ADGRL2: variants seen among roughly 807,000 people sequenced by gnomAD.
ADGRL2 encodes calcium-independent alpha-latrotoxin receptor 2.
ADGRL2 carries 44 observed loss-of-function variants against 157.4 expected under a neutral mutation model. The observed-to-expected ratio is 0.28, with a 90% CI of 0.22 to 0.36. ADGRL2 has a LOEUF of 0.36. Among genes scored for constraint, ADGRL2 ranks in the 10% least tolerant of loss-of-function variants. The probability of loss-of-function intolerance (pLI) is 1.00; values close to 1 mark genes in which losing one functional copy is unlikely to be tolerated. For missense variants in ADGRL2, 1,510 were observed against 1,768.9 expected (o/e 0.85, Z 2.63); for synonymous variants, 585 against 624.7 (o/e 0.94, Z 0.95).
At chr1:81,567,478 G>A (rs376106626) in intron 2 of ADGRL2, among the ~76,000 whole-genome samples, 12 of 152,076 alleles carry the variant, frequency 7.9e-5, no homozygotes, top group African/African-American at 2.6e-4. Flanking sequence ...TAGGGCACTC[G>A]GTACTTATCC....
chr1:81,538,705 G>A (rs931851466), intron 2 of ADGRL2, among the ~76,000 whole-genome samples: 1 of 151,912 alleles, frequency 6.6e-6, no homozygotes, highest in African/African-American at 2.4e-5. Flanking sequence ...GTAAAATTTG[G>A]AATAAGACTA....
rs1570302585 is a variant in ADGRL2, at chr1:81,502,631, A to G, written c.-248+57542A>G. The G allele has an allele frequency of 7.4e-6, 12 of 1,613,934 alleles. No homozygotes were observed. In the East Asian group the frequency reaches 2.2e-4, roughly 30 times the overall value. On this transcript the variant is annotated intron_variant, in intron 2 of 24. Transcript: ENST00000370721. Reference sequence around the variant, plus strand: ...CAAAGGCCTAAACCTGCCCACATCCATCACCAGCGCTGCCTTCACCCTCAG... The same window carrying G: ...CAAAGGCCTAAACCTGCCCACATCCGTCACCAGCGCTGCCTTCACCCTCAG...
At chr1:81,782,424 T>A (rs2086854271) in intron 2 of ADGRL2, among the ~76,000 whole-genome samples, 1 of 152,226 alleles carries the variant, frequency 6.6e-6, no homozygotes, top group African/African-American at 2.4e-5. Flanking sequence ...TTTTTTGGTC[T>A]ACAGTAAAAT....
chr1:81,506,721 A>G (rs1403690706), intron 2 of ADGRL2, among the ~76,000 whole-genome samples: 1 of 141,894 alleles, frequency 7.0e-6, no homozygotes, highest in Non-Finnish European at 1.6e-5. Context: ...AAAGAACAAA[A>G]CAAAACAAAA....
chr1:81,769,645 C>A (rs1446497010), intron 2 of ADGRL2, among the ~76,000 whole-genome samples: 1 of 151,760 alleles, frequency 6.6e-6, no homozygotes, highest in Non-Finnish European at 1.5e-5. Flanking sequence ...TCAGCAATAC[C>A]TTGGCTATCA....
At chr1:81,607,054 T>C (rs2081449102) in intron 3 of ADGRL2, among the ~76,000 whole-genome samples, 1 of 152,216 alleles carries the variant, frequency 6.6e-6, no homozygotes. Flanking sequence ...TAACTCTTTA[T>C]TTTATAATTT....
intron 2 of ADGRL2, among the ~76,000 whole-genome samples, chr1:81,851,032 A>T (rs145844117): frequency 6.6e-6 from 1 of 152,012 alleles, no homozygotes; most frequent in Non-Finnish European, 1.5e-5. Flanking sequence ...TTCACTAATG[A>T]TCACCCAAAA....
At chr1:81,703,140 TG>T (rs1347321287) in intron 1 of ADGRL2, among the ~76,000 whole-genome samples, 2 of 152,280 alleles carry the variant, frequency 1.3e-5, no homozygotes, top group East Asian at 3.9e-4. Context: ...CTCAGATTTG[TG>T]GGCTGAAATA....
At chr1:81,747,721 GT>G (rs2085348136) in intron 1 of ADGRL2, among the ~76,000 whole-genome samples, 3 of 151,996 alleles carry the variant, frequency 2.0e-5, no homozygotes, top group South Asian at 4.2e-4. Context: ...GTGTGTGTGT[GT>G]GTGTGTGTGT....
chr1:81,501,985 C>T, intron 2 of ADGRL2: 1 of 1,612,494 alleles, frequency 6.2e-7, no homozygotes, highest in Non-Finnish European at 8.5e-7. Flanking sequence ...CCTTAGGTCC[C>T]TTAGCCAGAG....
At chr1:81,642,564 G>A (rs2082242126) in intron 3 of ADGRL2, among the ~76,000 whole-genome samples, 1 of 151,930 alleles carries the variant, frequency 6.6e-6, no homozygotes, top group African/African-American at 2.4e-5. Flanking sequence ...AAAACTGAAA[G>A]CACCAGGCTC....
chr1:81,766,518 A>T (rs1318562618), intron 2 of ADGRL2, among the ~76,000 whole-genome samples: 1 of 152,186 alleles, frequency 6.6e-6, no homozygotes, highest in Non-Finnish European at 1.5e-5. Context: ...CTAAAAAAAT[A>T]AAATTTCTAA....
intron 2 of ADGRL2, among the ~76,000 whole-genome samples, chr1:81,528,824 T>G (rs995774565): frequency 2.0e-5 from 3 of 152,184 alleles, no homozygotes; most frequent in Non-Finnish European, 4.4e-5. Context: ...GAAAACCTTA[T>G]GGATAAAATA....
chr1:81,845,364 T>A (rs1475989466), intron 2 of ADGRL2, among the ~76,000 whole-genome samples: 3 of 152,098 alleles, frequency 2.0e-5, no homozygotes, highest in African/African-American at 7.2e-5. Context: ...TAGAATTCTA[T>A]AATTCTGATA....
At chr1:81,835,939 T>C (rs1172945170) in intron 1 of ADGRL2, among the ~76,000 whole-genome samples, 1 of 152,112 alleles carries the variant, frequency 6.6e-6, no homozygotes, top group Non-Finnish European at 1.5e-5. Context: ...GGTTACATTA[T>C]AATGAACTGA....
intron 2 of ADGRL2, among the ~76,000 whole-genome samples, chr1:81,528,608 C>G (rs1292145983): frequency 7.2e-6 from 1 of 138,628 alleles, no homozygotes; most frequent in African/African-American, 2.9e-5. Context: ...GATAGTGCCA[C>G]TGCAGTCCGG....
In ADGRL2 at chr1:81,547,728, A is replaced by G. The variant is rs2080051948; in HGVS notation, c.-247-33148A>G. 2.6e-5 allele frequency among the ~76,000 whole-genome samples: 4 copies of G among 152,334 alleles called. No individual in the cohort carries two copies. In the South Asian group the frequency reaches 6.2e-4, roughly 24 times the overall value. On this transcript the variant is annotated intron_variant, in intron 2 of 24. Transcript: ENST00000370721. ...AGCTTTTGAGATTCAAAACTGATCA[A>G]TGGCTTCTTTGTTCTAATCTTGGGA...
At chr1:81,882,356 A>C (rs2151241527) in intron 2 of ADGRL2, among the ~76,000 whole-genome samples, 1 of 152,316 alleles carries the variant, frequency 6.6e-6, no homozygotes, top group South Asian at 2.1e-4. Context: ...ATCTTTTGGT[A>C]TTCATCAGAG....
At chr1:81,960,806 A>G (rs1655106367) in intron 11 of ADGRL2, among the ~76,000 whole-genome samples, 1 of 152,116 alleles carries the variant, frequency 6.6e-6, no homozygotes, top group Admixed American at 6.5e-5. Flanking sequence ...AGTGGCCAGC[A>G]TGATTTTTAT....
Sources: allele counts gnomAD v4.1 joint callset (sites outside exome capture counted in the v4.1 genomes callset), GRCh38; gene constraint gnomAD v4.1.1; transcripts MANE v1.5; gene names NCBI Gene and HGNC (gene_info 2026-07-23, HGNC 2026-07-21).